CTIF: variants seen among roughly 807,000 people sequenced by gnomAD.
CTIF encodes the protein CBP80/20-dependent translation initiation factor.
A neutral mutation model predicts 66.0 loss-of-function variants in CTIF; 21 were observed. The ratio of observed to expected loss-of-function variants is 0.32; its 90% CI spans 0.23 to 0.46. CTIF has a LOEUF of 0.46. Among genes scored for constraint, CTIF ranks in the 20% least tolerant of loss-of-function variants. The pLI is 1.00. For synonymous variants in CTIF, 345 were observed against 326.4 expected (o/e 1.06, Z -0.62); for missense variants, 739 against 812.7 (o/e 0.91, Z 1.10).
chr18:48,775,128 C>A (rs1455983683), intron 9 of CTIF, among the ~76,000 whole-genome samples: 1 of 152,232 alleles, frequency 6.6e-6, no homozygotes, highest in African/African-American at 2.4e-5. Context: ...CTCCCCCTGG[C>A]TCTAGTTGTG....
intron 7 of CTIF, among the ~76,000 whole-genome samples, chr18:48,725,329 T>C (rs545337750): frequency 6.6e-6 from 1 of 152,274 alleles, no homozygotes; most frequent in East Asian, 1.9e-4. Flanking sequence ...GTAGGAACAG[T>C]GATCATCAGG....
At chr18:48,711,431 C>T (rs578097725) in intron 6 of CTIF, among the ~76,000 whole-genome samples, 188 bp from the exon 7 acceptor site, 1 of 152,322 alleles carries the variant, frequency 6.6e-6, no homozygotes, top group African/African-American at 2.4e-5. Context: ...AGCATCACTG[C>T]CTGGTAGGAA....
chr18:48,793,628 T>A (rs576856722), intron 9 of CTIF, among the ~76,000 whole-genome samples: 1 of 152,324 alleles, frequency 6.6e-6, no homozygotes, highest in South Asian at 2.1e-4. Context: ...AGGGGGCTTC[T>A]TGTGTGCCCC....
intron 1 of CTIF, among the ~76,000 whole-genome samples, chr18:48,560,898 G>A (rs752984365): frequency 8.5e-5 from 13 of 152,132 alleles, no homozygotes; most frequent in Non-Finnish European, 1.8e-4. Flanking sequence ...GACCTTCCCT[G>A]AGGTTTAGAT....
At chr18:48,598,582 G>A (rs942836789) in intron 1 of CTIF, among the ~76,000 whole-genome samples, 44 of 152,158 alleles carry the variant, frequency 2.9e-4, no homozygotes, top group African/African-American at 1.1e-3. Context: ...CAGAACTTGG[G>A]AACCCTTTGG....
At chr18:48,782,729 C>T (rs773958617) in intron 9 of CTIF, among the ~76,000 whole-genome samples, 8 of 152,222 alleles carry the variant, frequency 5.3e-5, no homozygotes, top group South Asian at 2.1e-4. Flanking sequence ...AGTCCAACCT[C>T]GGCTTGGGTT....
chr18:48,852,114 C>T (rs2069215563), intron 10 of CTIF, among the ~76,000 whole-genome samples: 2 of 151,636 alleles, frequency 1.3e-5, no homozygotes, highest in Admixed American at 1.3e-4. Flanking sequence ...TGCACCCCTG[C>T]TCCCAGTTAC....
At chr18:48,707,547 C>T (rs920128019) in intron 6 of CTIF, among the ~76,000 whole-genome samples, 11 of 151,252 alleles carry the variant, frequency 7.3e-5, no homozygotes, top group African/African-American at 2.7e-4. Flanking sequence ...TTTCCTTGTC[C>T]TCCTCTTCTT....
At chr18:48,663,927 G>A (rs79505651) in intron 4 of CTIF, 102 bp downstream of exon 4, 16,529 of 1,043,168 alleles carry the variant, frequency 0.016, 178 homozygotes, top group Middle Eastern at 0.046. Flanking sequence ...GCAAGAGGCA[G>A]AGAGAAGCAG....
At chr18:48,624,424 T>C (rs2090556736) in intron 2 of CTIF, among the ~76,000 whole-genome samples, 1 of 152,088 alleles carries the variant, frequency 6.6e-6, no homozygotes, top group Non-Finnish European at 1.5e-5. Flanking sequence ...TGATTGGGTG[T>C]TGGGTGGTTA....
chr18:48,734,730 G>A (rs1015782281), intron 7 of CTIF, among the ~76,000 whole-genome samples: 3 of 152,156 alleles, frequency 2.0e-5, no homozygotes, highest in African/African-American at 7.2e-5. Context: ...CAGGGTGGTG[G>A]GAGCAATGCC....
chr18:48,808,586 T>G (rs1047068398), intron 9 of CTIF, among the ~76,000 whole-genome samples: 15 of 151,224 alleles, frequency 9.9e-5, no homozygotes, highest in Non-Finnish European at 1.8e-4. Context: ...CAGTGTGAAG[T>G]AAGATTCTAA....
chr18:48,813,659 A>G (rs2068305957), intron 9 of CTIF, among the ~76,000 whole-genome samples: 1 of 152,268 alleles, frequency 6.6e-6, no homozygotes, highest in Non-Finnish European at 1.5e-5. Flanking sequence ...AACCTTTGCT[A>G]GCCCAAAACA....
At chr18:48,555,044 A>G (rs1002540490) in intron 1 of CTIF, among the ~76,000 whole-genome samples, 1 of 152,196 alleles carries the variant, frequency 6.6e-6, no homozygotes, top group African/African-American at 2.4e-5. Flanking sequence ...TTCTCTGGAT[A>G]AGGTGTCCAA....
intron 9 of CTIF, among the ~76,000 whole-genome samples, chr18:48,771,287 G>T (rs1371614142): frequency 6.6e-6 from 1 of 152,156 alleles, no homozygotes; most frequent in Admixed American, 6.5e-5. Context: ...AATGCGTCTG[G>T]GTCATCTTTG....
rs376322069 is a variant in CTIF, at chr18:48,757,417, G to A, written c.585-502G>A. On this transcript the variant is annotated intron_variant, in intron 7 of 11. Transcript: ENST00000256413. The stretch of plus-strand genomic sequence containing the variant: ...CAAAAAAAAAAAAGTTGTTTGAAAG[G>A]GATATAACTTTTCAAAAAACATTAT... Among the ~76,000 whole-genome samples the A allele has an allele frequency of 1.2e-4, 19 of 152,208 alleles. No homozygotes were observed. The South Asian group carries it at 4.0e-3, about 32-fold the overall frequency.
intron 6 of CTIF, among the ~76,000 whole-genome samples, chr18:48,675,925 A>G (rs1199384602): frequency 2.6e-5 from 4 of 152,236 alleles, no homozygotes; most frequent in African/African-American, 9.6e-5. Context: ...TAACTTGACT[A>G]AGTTCCAAGT....
intron 7 of CTIF, among the ~76,000 whole-genome samples, chr18:48,718,602 C>T (rs1217022270): frequency 2.6e-5 from 4 of 152,148 alleles, no homozygotes; most frequent in South Asian, 2.1e-4. Flanking sequence ...CCCTCCTCTG[C>T]CTTTTGTTCT....
intron 10 of CTIF, among the ~76,000 whole-genome samples, chr18:48,850,434 C>T (rs746897898): frequency 1.1e-4 from 17 of 152,320 alleles, no homozygotes; most frequent in African/African-American, 1.7e-4. Flanking sequence ...AATGAGAGAG[C>T]TAGTCGGCCC....
Sources: allele counts gnomAD v4.1 joint callset (sites outside exome capture counted in the v4.1 genomes callset), GRCh38; gene constraint gnomAD v4.1.1; transcripts MANE v1.5; gene names NCBI Gene and HGNC (gene_info 2026-07-23, HGNC 2026-07-21).